Variants in SMYD3 observed in about 807,000 individuals in gnomAD.
SMYD3 encodes SET and MYND domain containing 3, also known as histone-lysine N-methyltransferase SMYD3.
A neutral mutation model predicts 57.7 loss-of-function variants in SMYD3; 36 were observed. The ratio of observed to expected loss-of-function variants is 0.62; its 90% CI spans 0.48 to 0.82. The LOEUF is 0.82. Ranked by LOEUF, SMYD3 falls within the 40% of genes least tolerant of loss-of-function variation. SMYD3 has a pLI of 0.00. For missense variants in SMYD3, 515 were observed against 538.8 expected (o/e 0.96, Z 0.44); for synonymous variants, 211 against 195.0 (o/e 1.08, Z -0.68).
At chr1:245,902,429 A>G (rs773038772) in intron 8 of SMYD3, among the ~76,000 whole-genome samples, 8 of 152,228 alleles carry the variant, frequency 5.3e-5, no homozygotes, top group Non-Finnish European at 1.2e-4. Flanking sequence ...CAGAGGCCCC[A>G]TCTGTATCCT....
Position 246,263,710 on chromosome 1 carries a change from CAAA to C in SMYD3, c.531+63488_531+63490del, listed in dbSNP as rs200957737. 1.5e-3 allele frequency among the ~76,000 whole-genome samples: 225 copies of C among 152,264 alleles called. 2 individuals are homozygous for C. In the East Asian group the frequency reaches 0.038, roughly 26 times the overall value. On this transcript the variant is annotated intron_variant, in intron 5 of 11. Transcript: ENST00000490107. Reference sequence around the variant, plus strand: ...TTTGTACAATTCTATGTACCTTCAACAAATTATGCCTTTTCATTTTCAAAGGAT... The same window carrying C: ...TTTGTACAATTCTATGTACCTTCAACTTATGCCTTTTCATTTTCAAAGGAT...
At chr1:246,042,422 T>C (rs1038457565) in intron 5 of SMYD3, among the ~76,000 whole-genome samples, 1 of 152,164 alleles carries the variant, frequency 6.6e-6, no homozygotes, top group African/African-American at 2.4e-5. Context: ...AATTCCTAAC[T>C]GCAGATTAAG....
rs2068109875 is a variant in SMYD3 at position 246,481,696 on chromosome 1, G to A, written c.164+25358C>T. 2.2e-5 allele frequency among the ~76,000 whole-genome samples: 3 copies of A among 139,508 alleles called. No individual in the cohort carries two copies. The Admixed American group carries it at 2.2e-4, about 10-fold the overall frequency. The allele number at this position is 139,508 out of a possible 152,430, so 91.5% of individuals were successfully genotyped here. A position where few individuals can be genotyped will look rare whatever the true frequency, so the allele number is the denominator to read the frequency against. Reference sequence around the variant, plus strand: ...TATAAACTCATATATGAGTATATATGATCATATATGATTATATATATATGA... The same window carrying A: ...TATAAACTCATATATGAGTATATATAATCATATATGATTATATATATATGA... On this transcript the variant is annotated intron_variant, in intron 1 of 11. Transcript: ENST00000490107.
chr1:245,817,745 A>G (rs1400701508), intron 10 of SMYD3, among the ~76,000 whole-genome samples: 1 of 152,182 alleles, frequency 6.6e-6, no homozygotes, highest in Non-Finnish European at 1.5e-5. Context: ...AACTATGTGA[A>G]GAATGCAGAA....
chr1:246,277,327 T>A (rs1240168137), intron 5 of SMYD3, among the ~76,000 whole-genome samples: 1 of 152,192 alleles, frequency 6.6e-6, no homozygotes, highest in Non-Finnish European at 1.5e-5. Flanking sequence ...TGCACACTGT[T>A]ACAATGGCTA....
At chr1:246,082,091 C>T (rs901036534) in intron 5 of SMYD3, among the ~76,000 whole-genome samples, 2 of 152,132 alleles carry the variant, frequency 1.3e-5, no homozygotes, top group Non-Finnish European at 2.9e-5. Flanking sequence ...ACAGGCCAAG[C>T]TAACCATGGG....
chr1:246,431,469 C>T (rs2067295530), intron 1 of SMYD3, among the ~76,000 whole-genome samples: 1 of 152,198 alleles, frequency 6.6e-6, no homozygotes, highest in Non-Finnish European at 1.5e-5. Flanking sequence ...GTGGCTCACA[C>T]CTGTAGTCCC....
chr1:246,234,172 C>T (rs1572253041), intron 5 of SMYD3, among the ~76,000 whole-genome samples: 3 of 97,490 alleles, frequency 3.1e-5, no homozygotes, highest in Admixed American at 2.4e-4. Flanking sequence ...AGAAGCACTC[C>T]TCAATTCACA....
chr1:245,968,867 G>A (rs1333612357), intron 5 of SMYD3, among the ~76,000 whole-genome samples: 2 of 152,110 alleles, frequency 1.3e-5, no homozygotes, highest in Non-Finnish European at 2.9e-5. Context: ...CATCAGTGGA[G>A]GCTTAGTTCC....
intron 10 of SMYD3, among the ~76,000 whole-genome samples, chr1:245,784,609 C>T (rs1008360087): frequency 2.0e-5 from 3 of 152,052 alleles, no homozygotes; most frequent in African/African-American, 7.2e-5. Flanking sequence ...AACAAGAGTA[C>T]TTAAGTGGCC....
chr1:246,241,751 T>C (rs545865737), intron 5 of SMYD3, among the ~76,000 whole-genome samples: 179 of 152,318 alleles, frequency 1.2e-3, no homozygotes, highest in Non-Finnish European at 2.1e-3. Context: ...AAGCTATTAA[T>C]TATTGCCTCA....
At chr1:246,142,773 G>A (rs1303356748) in intron 5 of SMYD3, among the ~76,000 whole-genome samples, 1 of 152,230 alleles carries the variant, frequency 6.6e-6, no homozygotes, top group African/African-American at 2.4e-5. Flanking sequence ...GGGCACTGCT[G>A]TACTTTCAGT....
intron 1 of SMYD3, among the ~76,000 whole-genome samples, chr1:246,391,459 G>T (rs2066571022): frequency 6.6e-6 from 1 of 151,200 alleles, no homozygotes; most frequent in Non-Finnish European, 1.5e-5. Context: ...AGGGAAAAAG[G>T]AGAGGGGGAG....
intron 9 of SMYD3, among the ~76,000 whole-genome samples, chr1:245,860,553 T>C (rs1321674255): frequency 1.3e-5 from 2 of 152,192 alleles, no homozygotes; most frequent in Non-Finnish European, 2.9e-5. Flanking sequence ...AGCACCCCAA[T>C]GCACAGCTGA....
intron 5 of SMYD3, among the ~76,000 whole-genome samples, chr1:246,292,999 C>A (rs769291596): frequency 2.4e-4 from 36 of 151,938 alleles, no homozygotes; most frequent in Non-Finnish European, 4.1e-4. Context: ...CATTCCAAAC[C>A]ACCATATTTG....
intron 2 of SMYD3, among the ~76,000 whole-genome samples, chr1:246,341,402 T>C (rs888069033): frequency 2.6e-5 from 4 of 152,234 alleles, no homozygotes; most frequent in Non-Finnish European, 5.9e-5. Context: ...TAAATTCTTT[T>C]ATTAGTTTGG....
chr1:246,361,287 C>CA (rs1480686069), intron 1 of SMYD3, among the ~76,000 whole-genome samples: 1 of 151,936 alleles, frequency 6.6e-6, no homozygotes, highest in East Asian at 1.9e-4. Flanking sequence ...ATCAAAAAAT[C>CA]AAAAAAATAA....
intron 5 of SMYD3, among the ~76,000 whole-genome samples, chr1:246,047,400 T>A (rs1163626063): frequency 6.6e-6 from 1 of 152,222 alleles, no homozygotes; most frequent in Non-Finnish European, 1.5e-5. Context: ...GACTTTTCAA[T>A]TGAGTGGGGA....
chr1:246,438,939 G>A (rs887149187), intron 1 of SMYD3, among the ~76,000 whole-genome samples: 73 of 151,608 alleles, frequency 4.8e-4, no homozygotes, highest in Admixed American at 1.1e-3. Context: ...AATAATGCTC[G>A]TTCACCCGCC....
Sources: gnomAD v4.1 joint callset for allele counts (sites outside exome capture counted in the v4.1 genomes callset) on GRCh38, gnomAD v4.1.1 for gene constraint, MANE v1.5 for transcripts, NCBI Gene and HGNC (gene_info 2026-07-23, HGNC 2026-07-21) for gene names.